HERC1: variants seen among roughly 807,000 people sequenced by gnomAD.
HERC1 encodes the protein HECT and RLD domain containing E3 ubiquitin protein ligase family member 1.
HERC1 carries 160 observed loss-of-function variants against 554.3 expected under a neutral mutation model. The observed-to-expected ratio is 0.29, with a 90% CI of 0.25 to 0.33. The LOEUF is 0.33. HERC1 is among the 10% of genes least tolerant of loss of function. HERC1 has a pLI of 1.00. For missense variants in HERC1, 4,919 were observed against 5,918.5 expected (o/e 0.83, Z 5.54); for synonymous variants, 2,175 against 2,131.7 (o/e 1.02, Z -0.56).
At chr15:63,703,526 T>G (rs571690108) in intron 25 of HERC1, among the ~76,000 whole-genome samples, 1 of 152,202 alleles carries the variant, frequency 6.6e-6, no homozygotes. Flanking sequence ...GACTAGTAAA[T>G]GCAAATGCTG....
intron 12 of HERC1, among the ~76,000 whole-genome samples, chr15:63,744,472 C>T (rs1246239108): frequency 6.6e-6 from 1 of 152,098 alleles, no homozygotes; most frequent in Non-Finnish European, 1.5e-5. Flanking sequence ...CTAGAGGTGC[C>T]ATCTGGGAGT....
At chr15:63,813,795 T>C (rs557209999) in intron 1 of HERC1, among the ~76,000 whole-genome samples, 2 of 152,286 alleles carry the variant, frequency 1.3e-5, no homozygotes, top group Admixed American at 6.5e-5. Flanking sequence ...TGTCCAGGTA[T>C]GGTGGCTCGC....
At position 63,674,643 on chromosome 15, in the gene HERC1, A is replaced by T; in HGVS notation, c.7545T>A (p.Ala2515=). ...CAAGAAGGGCACTAAGTGACTTCAT[A>T]GCACCGAGGTAAAGATAGGACAGCT... ...AVQLSYLYLG[A]MKSLSALLGC... Residue 2515 remains alanine (A), a synonymous_variant, in exon 38 of 78, where the codon GCT becomes GCA. Coordinates refer to ENST00000443617, the MANE Select transcript of HERC1 (RefSeq NM_003922.4). 6.2e-7 allele frequency: 1 copy of T among 1,613,728 alleles called. No homozygotes were observed. The highest frequency in any genetic ancestry group is 8.5e-7 in the Non-Finnish European group (1 of 1,179,748).
intron 24 of HERC1, among the ~76,000 whole-genome samples, chr15:63,709,277 T>C (rs2153107232): frequency 6.6e-6 from 1 of 152,272 alleles, no homozygotes; most frequent in Non-Finnish European, 1.5e-5. Context: ...CCCAAAGTGC[T>C]GGGGTTACAG....
At chr15:63,772,375 T>C (rs1011754881) in intron 2 of HERC1, among the ~76,000 whole-genome samples, 8 of 152,042 alleles carry the variant, frequency 5.3e-5, no homozygotes, top group Non-Finnish European at 1.5e-5. Context: ...ATCATATAAC[T>C]ATATTGTGCA....
chr15:63,741,172 G>A (rs1424612120), intron 12 of HERC1, among the ~76,000 whole-genome samples: 1 of 151,650 alleles, frequency 6.6e-6, no homozygotes, highest in Non-Finnish European at 1.5e-5. Flanking sequence ...GGGATTACAG[G>A]CGTGCACCTC....
At chr15:63,732,410 A>T (rs2074335611) in intron 14 of HERC1, among the ~76,000 whole-genome samples, 1 of 152,224 alleles carries the variant, frequency 6.6e-6, no homozygotes, top group Non-Finnish European at 1.5e-5. Flanking sequence ...AGCAATAGTG[A>T]CAATAGCTAT....
chr15:63,833,793 G>GCACACACACACACACACACACACA (rs1567176634), intron 1 of HERC1, 34 bp downstream of exon 1: 6 of 146,232 alleles, frequency 4.1e-5, no homozygotes, highest in African/African-American at 1.6e-4. Flanking sequence ...ACACACACAG[G>GCACACACACACACACACACACACA]ACCAGGAGGA....
In HERC1 at chr15:63,694,965, C is replaced by A; in HGVS notation, c.5122-71G>T. The A allele has an allele frequency of 7.2e-7, 1 of 1,386,550 alleles. No homozygotes were observed. Among genetic ancestry groups the A allele is most frequent in the South Asian group, 1.4e-5 (1 of 74,006 alleles). 85.9% of individuals were successfully genotyped at this position (1,386,550 alleles called of 1,614,324 possible). ...ACCTGCTTGCAAAAAGAAGTAATAA[C>A]ATTTTATTTCTAGTCTATGCTAGAG... On this transcript the variant is annotated intron_variant, in intron 27 of 77. Transcript: ENST00000443617. The surrounding 1 kb of genome is among the most constrained non-coding windows in gnomAD (Gnocchi z 4.3).
chr15:63,768,783 G>A (rs1358931876), intron 2 of HERC1, among the ~76,000 whole-genome samples: 1 of 152,058 alleles, frequency 6.6e-6, no homozygotes, highest in African/African-American at 2.4e-5. Flanking sequence ...TTACTGAAAG[G>A]GTCTCATCCT....
rs547499286 is a variant in HERC1 at position 63,697,949 on chromosome 15, T to C, written c.4905+779A>G. 6.6e-5 allele frequency among the ~76,000 whole-genome samples: 10 copies of C among 152,332 alleles called. No homozygotes were observed. In the South Asian group the frequency reaches 2.1e-3, roughly 32 times the overall value. On this transcript the variant is annotated intron_variant, in intron 26 of 77. Coordinates refer to ENST00000443617, the MANE Select transcript of HERC1 (RefSeq NM_003922.4). ...TGTGGACATGTTAAAACCACAATAATTAATAAATATTTGGGGGAAGATACT... is the reference window on the plus strand; with the variant it reads ...TGTGGACATGTTAAAACCACAATAACTAATAAATATTTGGGGGAAGATACT...
At chr15:63,819,577 T>G (rs2077614661) in intron 1 of HERC1, among the ~76,000 whole-genome samples, 1 of 152,198 alleles carries the variant, frequency 6.6e-6, no homozygotes, top group African/African-American at 2.4e-5. Context: ...CACCAATTAC[T>G]GTTCTCTTCT....
rs1030597307 is a variant in HERC1 at position 63,692,722 on chromosome 15, G to A, written c.5675-156C>T. 6.6e-6 allele frequency among the ~76,000 whole-genome samples: 1 copy of A among 152,166 alleles called. No homozygotes were observed. The highest frequency in any genetic ancestry group is 2.4e-5 in the African/African-American group (1 of 41,436). On this transcript the variant is annotated intron_variant, in intron 30 of 77. Coordinates refer to ENST00000443617, the MANE Select transcript of HERC1 (RefSeq NM_003922.4). This position sits in a 1 kb window ranked among gnomAD's most constrained non-coding sequence, Gnocchi z 4.7. Reference sequence around the variant, plus strand: ...CTGAAAACTTAAAGAACAGAATGGGGAAAGGTCAGAAAACAAAGCCTAAAC... The same window carrying A: ...CTGAAAACTTAAAGAACAGAATGGGAAAAGGTCAGAAAACAAAGCCTAAAC...
At chr15:63,655,335 C>A (rs148862688) in intron 50 of HERC1, among the ~76,000 whole-genome samples, 1,800 of 152,270 alleles carry the variant, frequency 0.012, 20 homozygotes, top group East Asian at 0.022. Flanking sequence ...GTTTGGGTGA[C>A]AGAGTGAGAC....
chr15:63,638,747 A>C lies in HERC1; in HGVS notation c.11931T>G (p.Asp3977Glu). Residue 3977 changes from aspartate to glutamate, a missense_variant, in exon 62 of 78, where the codon GAT becomes GAG. By Grantham distance (45) the Asp-to-Glu change is conservative. Transcript: ENST00000443617. ...MDNSKWINGMDEQIMSWATSR... is the reference protein window; with the variant it reads ...MDNSKWINGMEEQIMSWATSR... ...AAGTTGCCCAAGACATAATTTGTTCATCCATGCCGTTAATCCATTTACTGT... is the reference window on the plus strand; with the variant it reads ...AAGTTGCCCAAGACATAATTTGTTCCTCCATGCCGTTAATCCATTTACTGT... 6.2e-7 allele frequency: 1 copy of C among 1,613,736 alleles called. No individual in the cohort carries two copies. The highest frequency in any genetic ancestry group is 8.5e-7 in the Non-Finnish European group (1 of 1,179,644).
chr15:63,643,073 A>G lies in HERC1; in HGVS notation c.11332-15T>C, dbSNP rs78341289. 0.014 allele frequency: 20,123 copies of G among 1,471,890 alleles called. 213 individuals are homozygous for G. Among genetic ancestry groups the G allele is most frequent in the Non-Finnish European group, 0.015 (16,018 of 1,053,320 alleles). 91.2% of individuals were successfully genotyped at this position (1,471,890 alleles called of 1,614,324 possible). On this transcript the variant is annotated splice_polypyrimidine_tract_variant and intron_variant, in intron 58 of 77. Transcript: ENST00000443617. ...ACAGAGCCATCCTAAAATGAGATAT[A>G]TTTACCAATACACACCATTGAACTG...
At position 63,749,924 on chromosome 15, in the gene HERC1, A is replaced by C; in HGVS notation, c.1903-133T>G. 1 of 779,406 alleles carries C rather than the reference A, an allele frequency of 1.3e-6. No homozygotes were observed. The highest frequency in any genetic ancestry group is 1.9e-6 in the Non-Finnish European group (1 of 520,296). The allele number at this position is 779,406 out of a possible 1,614,324, so 48.3% of individuals were successfully genotyped here. ...ACTTTCTGATGTTAAAATCATTTTG[A>C]TCATTTTAAAGATTGTTACAGCGAT... is the stretch of plus-strand genomic sequence containing the variant. On this transcript the variant is annotated intron_variant, in intron 8 of 77. Coordinates refer to ENST00000443617, the MANE Select transcript of HERC1 (RefSeq NM_003922.4). This position sits in a 1 kb window ranked among gnomAD's most constrained non-coding sequence, Gnocchi z 4.1.
intron 3 of HERC1, among the ~76,000 whole-genome samples, chr15:63,761,063 A>G (rs2075595159): frequency 6.6e-6 from 1 of 152,254 alleles, no homozygotes; most frequent in Non-Finnish European, 1.5e-5. Context: ...GAACTAAAGA[A>G]AAGATGAACT....
chr15:63,648,176 A>C lies in HERC1; in HGVS notation c.10771T>G (p.Phe3591Val). 1 of 1,604,242 alleles carries C rather than the reference A, an allele frequency of 6.2e-7. No individual in the cohort carries two copies. Among genetic ancestry groups the C allele is most frequent in the Non-Finnish European group, 8.5e-7 (1 of 1,174,646 alleles). ...KDVSVTCIAW[F>V]SEDRPFAVGY... ...ACTGCAAATGGTCTGTCTTCACTGA[A>C]CCATGCAATGCAAGTAACAGACACT... The change falls in exon 55 of 78, where the codon TTC (phenylalanine) becomes GTC (valine). Residue 3591 changes from phenylalanine (F) to valine (V), a missense_variant. Coordinates refer to ENST00000443617, the MANE Select transcript of HERC1 (RefSeq NM_003922.4).
Sources: gnomAD v4.1 joint callset for allele counts (sites outside exome capture counted in the v4.1 genomes callset) on GRCh38, gnomAD v4.1.1 for gene constraint, Gnocchi (gnomAD v3.1) non-coding constraint, MANE v1.5 for transcripts, NCBI Gene and HGNC (gene_info 2026-07-23, HGNC 2026-07-21) for gene names.